EDA: variants seen among roughly 807,000 people sequenced by gnomAD.
EDA encodes ectodysplasin A, also known as ectodysplasin-A.
EDA carries 2 observed loss-of-function variants against 23.6 expected under a neutral mutation model. The ratio of observed to expected loss-of-function variants is 0.08; its 90% CI spans 0.03 to 0.27. The LOEUF is 0.27. EDA is among the 10% of genes least tolerant of loss of function. EDA has a pLI of 1.00. For synonymous variants in EDA, 131 were observed against 132.0 expected (o/e 0.99, Z 0.05); for missense variants, 229 against 324.2 (o/e 0.71, Z 2.26).
chrX:69,939,436 T>A (rs1219485791), intron 1 of EDA, among the ~76,000 whole-genome samples: 3 of 112,101 alleles, frequency 2.7e-5, no homozygotes, highest in Non-Finnish European at 5.6e-5. Context: ...GATTTTTTTT[T>A]ATCCTGAAAC....
intron 1 of EDA, among the ~76,000 whole-genome samples, chrX:69,914,083 G>A (rs2018307312): frequency 1.8e-5 from 2 of 112,146 alleles, no homozygotes; most frequent in Non-Finnish European, 3.8e-5. Flanking sequence ...GAAATATTGT[G>A]AGAAATACCA....
At chrX:69,784,070 T>C (rs1263131937) in intron 1 of EDA, among the ~76,000 whole-genome samples, 4 of 105,346 alleles carry the variant, frequency 3.8e-5, no homozygotes, top group Non-Finnish European at 7.9e-5. Flanking sequence ...CATGTGTTTT[T>C]TGGCTGCATA....
At chrX:69,655,124 G>A (rs1268586121) in intron 1 of EDA, among the ~76,000 whole-genome samples, 7 of 111,872 alleles carry the variant, frequency 6.3e-5, no homozygotes, top group African/African-American at 2.0e-4. Flanking sequence ...GGCTGGGCGC[G>A]GTGGCTCACG....
intron 1 of EDA, among the ~76,000 whole-genome samples, chrX:69,654,617 A>G (rs1441991974): frequency 1.8e-5 from 2 of 111,958 alleles, no homozygotes; most frequent in African/African-American, 3.2e-5. Context: ...CTATGCAGCC[A>G]TAAAAAATGA....
intron 1 of EDA, among the ~76,000 whole-genome samples, chrX:69,847,261 A>G (rs1602477395): frequency 8.9e-6 from 1 of 111,926 alleles, no homozygotes; most frequent in Non-Finnish European, 1.9e-5. Flanking sequence ...GACAAGTGTG[A>G]TTCCCAAAAT....
intron 1 of EDA, among the ~76,000 whole-genome samples, chrX:69,878,841 T>C (rs1182058213): frequency 9.1e-6 from 1 of 109,957 alleles, no homozygotes; most frequent in Non-Finnish European, 1.9e-5. Context: ...TAAGTTAGAC[T>C]AATTAGAAGG....
intron 1 of EDA, among the ~76,000 whole-genome samples, chrX:69,761,090 A>G (rs1386644733): frequency 9.0e-6 from 1 of 110,856 alleles, no homozygotes; most frequent in Non-Finnish European, 1.9e-5. Context: ...AGTCTGGGCA[A>G]CAAGGATATA....
At chrX:69,698,789 T>A (rs2011445980) in intron 1 of EDA, among the ~76,000 whole-genome samples, 1 of 111,110 alleles carries the variant, frequency 9.0e-6, no homozygotes, top group South Asian at 3.8e-4. Flanking sequence ...ATCCATTTTA[T>A]TCCCAAGGAT....
At position 69,840,631 on chromosome X, in the gene EDA, A is replaced by G. The variant is rs193276601; in HGVS notation, c.397-116396A>G. 3.8e-4 allele frequency among the ~76,000 whole-genome samples: 43 copies of G among 112,583 alleles called. No homozygotes were observed. In the East Asian group the frequency reaches 9.5e-3, roughly 25 times the overall value. On this transcript the variant is annotated intron_variant, in intron 1 of 7. Coordinates refer to ENST00000374552, the MANE Select transcript of EDA (RefSeq NM_001399.5). ...CAAATATTTTTGTTAAGGGGAAAAT[A>G]TAGAATAAAATTGTCTTACTCCATT...
chrX:69,980,065 C>T (rs1447475443), intron 2 of EDA, among the ~76,000 whole-genome samples: 1 of 111,434 alleles, frequency 9.0e-6, no homozygotes, highest in African/African-American at 3.3e-5. Context: ...ATATCAGTCA[C>T]AACTCAAGTG....
chrX:69,696,507 C>T (rs1375674902), intron 1 of EDA, among the ~76,000 whole-genome samples: 1 of 111,679 alleles, frequency 9.0e-6, no homozygotes, highest in East Asian at 2.8e-4. Flanking sequence ...AATCATTCTA[C>T]TTTAGGATAA....
At chrX:69,904,581 C>A (rs2018150831) in intron 1 of EDA, among the ~76,000 whole-genome samples, 1 of 112,109 alleles carries the variant, frequency 8.9e-6, no homozygotes, top group Admixed American at 9.4e-5. Flanking sequence ...AACTCCTGGA[C>A]TTAAGTGATC....
chrX:69,682,196 G>A (rs374125002), intron 1 of EDA, among the ~76,000 whole-genome samples: 10 of 112,216 alleles, frequency 8.9e-5, no homozygotes, highest in South Asian at 7.4e-4. Context: ...CTCCAGCTGC[G>A]TGCTGGGAGA....
intron 1 of EDA, among the ~76,000 whole-genome samples, chrX:69,645,304 A>G (rs1284367105): frequency 3.7e-5 from 4 of 108,739 alleles, no homozygotes; most frequent in African/African-American, 6.7e-5. Context: ...CAAGGATTCA[A>G]TTTCTTCCTG....
At chrX:69,656,207 A>G (rs1242803623) in intron 1 of EDA, among the ~76,000 whole-genome samples, 1 of 111,093 alleles carries the variant, frequency 9.0e-6, no homozygotes, top group Non-Finnish European at 1.9e-5. Context: ...ATATTGAGGC[A>G]TTTTTGAGCC....
chrX:69,721,040 T>G lies in EDA; in HGVS notation c.396+104336T>G, dbSNP rs749562060. On this transcript the variant is annotated intron_variant, in intron 1 of 7. Transcript: ENST00000374552. ...TTTAGCCTGTGAGTTGTGGGCCTAC[T>G]TTTGTGGGTTGTGGTTCCAGTGGCA... 3.6e-5 allele frequency among the ~76,000 whole-genome samples: 4 copies of G among 112,448 alleles called. No homozygotes were observed. The East Asian group carries it at 1.1e-3, about 32-fold the overall frequency.
intron 1 of EDA, among the ~76,000 whole-genome samples, chrX:69,689,136 C>T (rs1038947452): frequency 9.0e-6 from 1 of 111,662 alleles, no homozygotes; most frequent in Non-Finnish European, 1.9e-5. Flanking sequence ...AGCAGTACTA[C>T]ATTGTCTTAA....
At chrX:69,944,053 G>A (rs2018800670) in intron 1 of EDA, among the ~76,000 whole-genome samples, 1 of 109,983 alleles carries the variant, frequency 9.1e-6, no homozygotes. Flanking sequence ...CCAGGCCTGG[G>A]ACTCTTCCTT....
At chrX:69,768,825 C>T (rs1044998035) in intron 1 of EDA, among the ~76,000 whole-genome samples, 10 of 111,464 alleles carry the variant, frequency 9.0e-5, no homozygotes, top group African/African-American at 3.3e-4. Flanking sequence ...TCTTTCCTAA[C>T]GTAGGCATTT....
Sources: gnomAD v4.1 joint callset for allele counts (sites outside exome capture counted in the v4.1 genomes callset) on GRCh38, gnomAD v4.1.1 for gene constraint, MANE v1.5 for transcripts, NCBI Gene and HGNC (gene_info 2026-07-23, HGNC 2026-07-21) for gene names.